TULP4: variants seen among roughly 807,000 people sequenced by gnomAD.
The protein encoded by TULP4 is tubby-related protein 4.
Under a neutral mutation model 129.0 loss-of-function variants are expected in TULP4, and 16 were observed. That is an observed-to-expected ratio of 0.12 (90% confidence interval 0.08 to 0.19). The LOEUF (loss-of-function observed/expected upper bound fraction) is 0.19, where lower values mean the gene tolerates loss of function less well. TULP4 is among the 10% of genes least tolerant of loss of function. The pLI is 1.00. For synonymous variants in TULP4, 998 were observed against 854.0 expected (o/e 1.17, Z -2.94); for missense variants, 1,842 against 2,059.1 (o/e 0.89, Z 2.04).
rs773811376 is a variant in TULP4 at position 158,268,035 on chromosome 6, C to CTTT, written n.68+35747_68+35749dup. ...TTCTTTTCTTTTCTTTTTCTTTTTT[C>CTTT]TTTTTTTTTTTTTTTTTGAGACGTA... On this transcript the variant is annotated intron_variant and non_coding_transcript_variant, in intron 1 of 1. Transcript: ENST00000620026. 2.3e-4 allele frequency among the ~76,000 whole-genome samples: 17 copies of CTTT among 72,762 alleles called. 1 individual carries two copies. Among genetic ancestry groups the CTTT allele is most frequent in the African/African-American group, 6.4e-4 (16 of 25,098 alleles). 47.7% of individuals were successfully genotyped at this position (72,762 alleles called of 152,430 possible). A position where few individuals can be genotyped will look rare whatever the true frequency, so the allele number is the denominator to read the frequency against.
intron 1 of TULP4, among the ~76,000 whole-genome samples, chr6:158,238,957 G>C (rs1777784645): frequency 5.7e-5 from 8 of 140,196 alleles, no homozygotes; most frequent in Admixed American, 1.4e-4. Context: ...CCTCCCAGAC[G>C]GGGTGGTGGC....
At position 158,337,401 on chromosome 6, in the gene TULP4, G is replaced by T. The variant is rs546471936; in HGVS notation, c.252+23133G>T. 2.3e-4 allele frequency among the ~76,000 whole-genome samples: 35 copies of T among 152,062 alleles called. No individual in the cohort carries two copies. In the South Asian group the frequency reaches 4.6e-3, roughly 20 times the overall value. Reference sequence around the variant, plus strand: ...CTGCCTTGGCCTCTCAAAGTGCTGGGATTACAGGCATGAGCCACCACTCCC... The same window carrying T: ...CTGCCTTGGCCTCTCAAAGTGCTGGTATTACAGGCATGAGCCACCACTCCC... On this transcript the variant is annotated intron_variant, in intron 1 of 13. Transcript: ENST00000367097.
rs181633865 is a variant in TULP4, at chr6:158,383,973, A to G, written c.253-29092A>G. Among the ~76,000 whole-genome samples, 19 of 152,336 alleles carry G rather than the reference A, an allele frequency of 1.2e-4. 1 individual carries two copies. In the South Asian group the frequency reaches 3.7e-3, roughly 30 times the overall value. On this transcript the variant is annotated intron_variant, in intron 1 of 13. Coordinates refer to ENST00000367097, the MANE Select transcript of TULP4 (RefSeq NM_020245.5). ...TTGGATTTGGCAGGAAGTTAATAGT[A>G]CAGACTTTATACCAAAGAGTGTAAC...
At chr6:158,469,658 A>G (rs938325320) in intron 6 of TULP4, among the ~76,000 whole-genome samples, 1 of 152,012 alleles carries the variant, frequency 6.6e-6, no homozygotes, top group Non-Finnish European at 1.5e-5. Flanking sequence ...AACTGAGGCA[A>G]GAGATTGGGG....
chr6:158,438,543 G>A (rs1400583571), intron 3 of TULP4, among the ~76,000 whole-genome samples: 9 of 151,608 alleles, frequency 5.9e-5, no homozygotes, highest in Non-Finnish European at 1.0e-4. Flanking sequence ...ATAACGCTTT[G>A]CTTTCTCAGC....
In TULP4 at chr6:158,344,722, T is replaced by G. The variant is rs888738286; in HGVS notation, c.252+30454T>G. On this transcript the variant is annotated intron_variant, in intron 1 of 13. Transcript: ENST00000367097. ...TTGCCTGAGATGACAATATTGAAAT[T>G]ATGCCAGTGAATAACCCTACGGTGA... Among the ~76,000 whole-genome samples, 3 of 152,178 alleles carry G rather than the reference T, an allele frequency of 2.0e-5. No individual in the cohort carries two copies. The South Asian group carries it at 6.2e-4, about 32-fold the overall frequency.
chr6:158,450,285 C>T (rs898555012), intron 4 of TULP4, among the ~76,000 whole-genome samples: 1 of 152,182 alleles, frequency 6.6e-6, no homozygotes, highest in African/African-American at 2.4e-5. Context: ...CTAACCTTTC[C>T]TGCCATTGTG....
chr6:158,241,407 A>T (rs1241025334), intron 1 of TULP4, among the ~76,000 whole-genome samples: 3 of 140,346 alleles, frequency 2.1e-5, no homozygotes, highest in African/African-American at 7.5e-5. Context: ...TGGGAGGTGT[A>T]GGTTGTAGTG....
upstream of TULP4, among the ~76,000 whole-genome samples, chr6:158,308,478 G>A (rs1257976637): frequency 2.0e-5 from 3 of 151,570 alleles, no homozygotes; most frequent in East Asian, 1.9e-4. Context: ...CCACAAAACC[G>A]CCATTGTCAT....
chr6:158,501,709 C>A lies in TULP4; in HGVS notation c.2046C>A (p.Ser682Arg). Residue 682 changes from serine (S) to arginine (R), a missense_variant, in exon 13 of 14, where the codon AGC becomes AGA. Around this residue, in one of 5 missense-constraint regions of TULP4, gnomAD observed 99 missense variants for 165.1 expected, o/e 0.60. Transcript: ENST00000367097. ...VTGASGVPEN[S>R]PPCTVNIPIA... ...GAGCATCTGGTGTCCCTGAGAACAGCCCACCTTGTACCGTGAACATCCCTA... is the reference window on the plus strand; with the variant it reads ...GAGCATCTGGTGTCCCTGAGAACAGACCACCTTGTACCGTGAACATCCCTA... 1 of 1,611,982 alleles carries A rather than the reference C, an allele frequency of 6.2e-7. No individual in the cohort carries two copies. Among genetic ancestry groups the A allele is most frequent in the Non-Finnish European group, 8.5e-7 (1 of 1,178,330 alleles).
intron 8 of TULP4, among the ~76,000 whole-genome samples, chr6:158,486,470 G>A (rs1490808622): frequency 2.6e-5 from 4 of 151,864 alleles, no homozygotes; most frequent in Admixed American, 6.6e-5. Context: ...GGAGAATGGC[G>A]TGAACCTGGG....
intron 1 of TULP4, among the ~76,000 whole-genome samples, chr6:158,368,240 T>TA (rs921841758): frequency 6.6e-6 from 1 of 152,182 alleles, no homozygotes; most frequent in Non-Finnish European, 1.5e-5. Context: ...AATTTTTGCA[T>TA]AAAAAATTAT....
chr6:158,349,754 T>TGGC (rs1780452234), intron 1 of TULP4, among the ~76,000 whole-genome samples: 1 of 88,034 alleles, frequency 1.1e-5, no homozygotes, highest in African/African-American at 4.6e-5. Flanking sequence ...CCAGACGGGG[T>TGGC]GGCTGGGCAG....
chr6:158,398,757 CTG>C (rs1446292685), intron 1 of TULP4, among the ~76,000 whole-genome samples: 1 of 152,216 alleles, frequency 6.6e-6, no homozygotes, highest in Non-Finnish European at 1.5e-5. Flanking sequence ...TTCAATAAAA[CTG>C]TTTTCCATTA....
intron 1 of TULP4, chr6:158,242,212 A>C: frequency 1.4e-6 from 2 of 1,468,876 alleles, no homozygotes; most frequent in South Asian, 2.3e-5. Flanking sequence ...ATGGTGGCAA[A>C]GACCTTCAGC....
intron 8 of TULP4, 154 bp downstream of exon 8, chr6:158,481,443 C>A: frequency 1.4e-6 from 1 of 705,410 alleles, no homozygotes; most frequent in African/African-American, 1.8e-5. Context: ...TTTCCAGAAT[C>A]CCATTGAAAT....
At chr6:158,404,567 C>T (rs901975538) in intron 1 of TULP4, among the ~76,000 whole-genome samples, 2 of 151,934 alleles carry the variant, frequency 1.3e-5, no homozygotes, top group African/African-American at 4.8e-5. Flanking sequence ...CACAAGGTCA[C>T]GAGTTTGAGA....
At chr6:158,477,020 G>T (rs977139664) in intron 6 of TULP4, among the ~76,000 whole-genome samples, 7 of 152,192 alleles carry the variant, frequency 4.6e-5, no homozygotes, top group African/African-American at 1.7e-4. Context: ...TCATGTGGGA[G>T]AGTAGAACGG....
intron 3 of TULP4, among the ~76,000 whole-genome samples, chr6:158,446,130 A>G (rs922058128): frequency 2.0e-5 from 3 of 152,228 alleles, no homozygotes; most frequent in Non-Finnish European, 2.9e-5. Flanking sequence ...CTTTGCTCAC[A>G]TAAGCTTTAT....
Sources: allele counts gnomAD v4.1 joint callset (sites outside exome capture counted in the v4.1 genomes callset), GRCh38; gene constraint gnomAD v4.1.1; regional missense constraint gnomAD v4.1.1; transcripts MANE v1.5; gene names NCBI Gene and HGNC (gene_info 2026-07-23, HGNC 2026-07-21).